Variants in TNRC6B observed in about 807,000 individuals in gnomAD.
The protein encoded by TNRC6B is trinucleotide repeat-containing gene 6B protein.
In TNRC6B, 52 loss-of-function variants were observed where a neutral mutation model predicts 203.6. That is an observed-to-expected ratio of 0.26 (90% CI 0.20 to 0.32). TNRC6B has a LOEUF of 0.32. TNRC6B is among the 10% of genes least tolerant of loss of function. The pLI is 1.00. For synonymous variants in TNRC6B, 838 were observed against 845.7 expected (o/e 0.99, Z 0.16); for missense variants, 1,923 against 2,286.2 (o/e 0.84, Z 3.24).
intron 1 of TNRC6B, among the ~76,000 whole-genome samples, chr22:40,069,469 T>C (rs1312224810): frequency 1.3e-5 from 2 of 151,758 alleles, no homozygotes; most frequent in Non-Finnish European, 2.9e-5. Flanking sequence ...GAGTATAACT[T>C]TGTAAGAGCT....
At chr22:40,121,702 G>A (rs1157880054) in intron 2 of TNRC6B, among the ~76,000 whole-genome samples, 2 of 152,168 alleles carry the variant, frequency 1.3e-5, no homozygotes, top group Non-Finnish European at 2.9e-5. Context: ...CACCACCACC[G>A]CCACAACCGT....
chr22:40,111,951 A>G (rs563466572), intron 1 of TNRC6B, among the ~76,000 whole-genome samples: 1 of 152,256 alleles, frequency 6.6e-6, no homozygotes, highest in South Asian at 2.1e-4. Context: ...AAATACAAAA[A>G]TTAGCTGAGT....
chr22:40,146,294 C>T (rs544123390), intron 3 of TNRC6B, among the ~76,000 whole-genome samples: 1 of 152,160 alleles, frequency 6.6e-6, no homozygotes, highest in Non-Finnish European at 1.5e-5. Context: ...GGAAGTATTT[C>T]AGCTGGGCTG....
intron 1 of TNRC6B, among the ~76,000 whole-genome samples, chr22:40,235,250 G>C (rs778102710): frequency 5.9e-5 from 9 of 152,192 alleles, no homozygotes; most frequent in Non-Finnish European, 1.0e-4. Flanking sequence ...ATTGGGCAGA[G>C]TCCTTAGTAT....
intron 3 of TNRC6B, among the ~76,000 whole-genome samples, chr22:40,139,314 T>G (rs2146336623): frequency 6.6e-6 from 1 of 150,656 alleles, no homozygotes; most frequent in East Asian, 1.9e-4. Context: ...CCCTATTGCA[T>G]GGGTGTACGC....
rs887512445 is a variant in TNRC6B, at chr22:40,335,232, C to G, written c.*11991C>G. The G allele has an allele frequency of 1.5e-5, 2 of 133,916 alleles. No individual in the cohort carries two copies. Among genetic ancestry groups the G allele is most frequent in the African/African-American group, 5.7e-5 (2 of 35,182 alleles). The allele number at this position is 133,916 out of a possible 1,614,324, so 8.3% of individuals were successfully genotyped here. A position where few individuals can be genotyped will look rare whatever the true frequency, so the allele number is the denominator to read the frequency against. On this transcript the variant is annotated 3_prime_UTR_variant, in exon 23 of 23. Coordinates refer to ENST00000454349, the MANE Select transcript of TNRC6B (RefSeq NM_001162501.2). The stretch of plus-strand genomic sequence containing the variant: ...AAACTCCCATATGTTGAAATTGCTC[C>G]TCATATTACTGGTTTTACATGGACA...
chr22:40,162,345 C>T (rs1267364431), intron 4 of TNRC6B, among the ~76,000 whole-genome samples: 6 of 152,278 alleles, frequency 3.9e-5, no homozygotes, highest in Middle Eastern at 3.4e-3. Flanking sequence ...CCGCCTGCCT[C>T]GGTGTCCCAA....
chr22:40,100,774 G>C (rs569486634), intron 1 of TNRC6B, among the ~76,000 whole-genome samples: 1 of 152,330 alleles, frequency 6.6e-6, no homozygotes, highest in African/African-American at 2.4e-5. Flanking sequence ...GATACTGAGG[G>C]ATGAGTGTAT....
intron 19 of TNRC6B, among the ~76,000 whole-genome samples, chr22:40,314,045 T>C (rs2071223508): frequency 6.6e-6 from 1 of 152,200 alleles, no homozygotes; most frequent in Admixed American, 6.5e-5. Flanking sequence ...AAAACTTAAC[T>C]CTGGTTACCC....
intron 1 of TNRC6B, among the ~76,000 whole-genome samples, chr22:40,228,879 G>T (rs1419170265): frequency 6.6e-6 from 1 of 152,016 alleles, no homozygotes; most frequent in Non-Finnish European, 1.5e-5. Flanking sequence ...CCTAATTTCA[G>T]GCTGTTGTTA....
intron 3 of TNRC6B, among the ~76,000 whole-genome samples, chr22:40,131,521 G>A (rs1482890393): frequency 6.6e-6 from 1 of 150,598 alleles, no homozygotes; most frequent in East Asian, 1.9e-4. Context: ...CCTTATTTTT[G>A]CCTCCTTTCC....
chr22:40,132,380 G>C (rs6001791), intron 3 of TNRC6B, among the ~76,000 whole-genome samples: 18 of 150,238 alleles, frequency 1.2e-4, no homozygotes, highest in African/African-American at 4.4e-4. Context: ...AAGACGAGAC[G>C]AGACGGGACG....
rs554756439 is a variant in TNRC6B at position 40,078,703 on chromosome 22, G to A, written c.-121+33705G>A. 3.7e-4 allele frequency among the ~76,000 whole-genome samples: 56 copies of A among 151,716 alleles called. 1 individual carries two copies. The highest frequency in any genetic ancestry group is 1.3e-3 in the African/African-American group (54 of 41,412). On this transcript the variant is annotated intron_variant, in intron 1 of 23. Coordinates refer to the TNRC6B transcript ENST00000301923. ...CACCTCCCAGGTTCAAGTGATTCCC[G>A]TGCCTCAGCCTCCCAAATAGCTGGG...
intron 3 of TNRC6B, among the ~76,000 whole-genome samples, chr22:40,130,964 C>T (rs1405071882): frequency 6.6e-6 from 1 of 150,532 alleles, no homozygotes; most frequent in East Asian, 2.0e-4. Context: ...TGCAGTGGTG[C>T]GATCTCGGGT....
Position 40,332,819 on chromosome 22 carries a change from A to AT in TNRC6B, c.*9579dup, listed in dbSNP as rs1458957677. The AT allele has an allele frequency of 6.5e-6, 1 of 152,768 alleles. No individual in the cohort carries two copies. The highest frequency in any genetic ancestry group is 1.9e-4 in the East Asian group (1 of 5,192). The allele number at this position is 152,768 out of a possible 1,614,324, so 9.5% of individuals were successfully genotyped here. A position where few individuals can be genotyped will look rare whatever the true frequency, so the allele number is the denominator to read the frequency against. ...TCCTTTTTAAAATATGAACATGTAA[A>AT]TAGCAGGATAACTTTAAAAAACATT... is the stretch of plus-strand genomic sequence containing the variant. On this transcript the variant is annotated 3_prime_UTR_variant, in exon 23 of 23. Coordinates refer to ENST00000454349, the MANE Select transcript of TNRC6B (RefSeq NM_001162501.2).
chr22:40,086,518 T>C (rs1163973827), intron 1 of TNRC6B, among the ~76,000 whole-genome samples: 2 of 152,230 alleles, frequency 1.3e-5, no homozygotes, highest in African/African-American at 2.4e-5. Context: ...GTTCATCTTA[T>C]GCATCTTCTG....
intron 1 of TNRC6B, among the ~76,000 whole-genome samples, chr22:40,221,799 G>A (rs1024096030): frequency 5.9e-5 from 8 of 135,598 alleles, no homozygotes; most frequent in African/African-American, 2.2e-4. Flanking sequence ...TCCTGCTGCC[G>A]CTTGCTCCAA....
At chr22:40,232,844 C>T (rs1246337880) in intron 1 of TNRC6B, among the ~76,000 whole-genome samples, 2 of 152,070 alleles carry the variant, frequency 1.3e-5, no homozygotes, top group Non-Finnish European at 2.9e-5. Flanking sequence ...GAAACCCTGT[C>T]GCTACTACAA....
intron 5 of TNRC6B, among the ~76,000 whole-genome samples, chr22:40,268,075 AATTAAT>A (rs1320921333): frequency 6.6e-6 from 1 of 152,130 alleles, no homozygotes; most frequent in Non-Finnish European, 1.5e-5. Flanking sequence ...TTTTAGTTAA[AATTAAT>A]ATTAAGAACC....
Sources: gnomAD v4.1 joint callset for allele counts (sites outside exome capture counted in the v4.1 genomes callset) on GRCh38, gnomAD v4.1.1 for gene constraint, MANE v1.5 for transcripts, NCBI Gene and HGNC (gene_info 2026-07-23, HGNC 2026-07-21) for gene names.